CCDC150: variants seen among roughly 807,000 people sequenced by gnomAD.
The protein encoded by CCDC150 is coiled-coil domain containing 150.
Under a neutral mutation model 156.5 loss-of-function variants are expected in CCDC150, and 151 were observed. The observed-to-expected ratio is 0.97, with a 90% CI of 0.85 to 1.10. The LOEUF (loss-of-function observed/expected upper bound fraction) is 1.10. CCDC150 is among the 50% of genes least tolerant of loss of function. The probability of loss-of-function intolerance (pLI) is 0.00; values close to 1 mark genes in which losing one functional copy is unlikely to be tolerated. For missense variants in CCDC150, 1,312 were observed against 1,268.1 expected, an observed-to-expected ratio of 1.03 and a Z score of -0.53; for synonymous variants, 452 against 429.4, an observed-to-expected ratio of 1.05 and a Z score of -0.65.
rs1489641448 is a variant in CCDC150, at chr2:196,652,048, G to A, written c.177-4585G>A. Reference sequence around the variant, plus strand: ...GGGGAGGGCACCAAGCCGTTCATGAGGGATCTGCCCCTATGACCTAACAGC... The same window carrying A: ...GGGGAGGGCACCAAGCCGTTCATGAAGGATCTGCCCCTATGACCTAACAGC... On this transcript the variant is annotated intron_variant, in intron 2 of 27. Coordinates refer to ENST00000389175, the MANE Select transcript of CCDC150 (RefSeq NM_001080539.2). Among the ~76,000 whole-genome samples, 3 of 152,260 alleles carry A rather than the reference G, an allele frequency of 2.0e-5. No homozygotes were observed. The East Asian group carries it at 5.8e-4, about 30-fold the overall frequency.
At chr2:196,653,757 T>A (rs997580443) in intron 2 of CCDC150, among the ~76,000 whole-genome samples, 3 of 152,242 alleles carry the variant, frequency 2.0e-5, no homozygotes, top group Non-Finnish European at 1.5e-5. Flanking sequence ...TTCAATTACC[T>A]TTTTAGCAAT....
chr2:196,649,138 A>G (rs1052180931), intron 2 of CCDC150, among the ~76,000 whole-genome samples: 1 of 152,152 alleles, frequency 6.6e-6, no homozygotes, highest in Non-Finnish European at 1.5e-5. Context: ...GTGGTTCCAT[A>G]TGAATTTTCA....
chr2:196,657,009 T>C lies in CCDC150; in HGVS notation c.449T>C (p.Leu150Pro). The change falls in exon 4 of 28, where the codon CTG becomes CCG. Residue 150 changes from leucine (L) to proline (P), a missense_variant. Leu to Pro is a moderately conservative substitution (Grantham distance 98). Transcript: ENST00000389175. ...NAIQEEHSKD[L>P]KLLHLEVMNL... Reference sequence around the variant, plus strand: ...ATACAGGAAGAGCATTCTAAGGACCTGAAGCTGTTGCATCTCGAAGTTATG... The same window carrying C: ...ATACAGGAAGAGCATTCTAAGGACCCGAAGCTGTTGCATCTCGAAGTTATG... The C allele has an allele frequency of 6.2e-7, 1 of 1,613,696 alleles. No homozygotes were observed. Among genetic ancestry groups the C allele is most frequent in the South Asian group, 1.1e-5 (1 of 91,058 alleles).
intron 22 of CCDC150, among the ~76,000 whole-genome samples, chr2:196,728,406 C>T (rs546102982): frequency 6.6e-6 from 1 of 152,284 alleles, no homozygotes; most frequent in Admixed American, 6.5e-5. Context: ...TCACTCTTTG[C>T]TGTGTTAAAT....
At position 196,719,507 on chromosome 2, in the gene CCDC150, T is replaced by G; in HGVS notation, c.2006T>G (p.Phe669Cys). Residue 669 changes from phenylalanine to cysteine, a missense_variant, in exon 19 of 28, where the codon TTT (phenylalanine) becomes TGT (cysteine). Phe to Cys is a radical substitution (Grantham distance 205). Transcript: ENST00000389175. ...EDRENKKVGN[F>C]QRQLAEAKED... ...TTCATTTTCTGTTAGGTGGGAAACT[T>G]TCAGCGACAATTGGCAGAAGCTAAA... 1 of 1,610,266 alleles carries G rather than the reference T, an allele frequency of 6.2e-7. No homozygotes were observed. Among genetic ancestry groups the G allele is most frequent in the East Asian group, 2.2e-5 (1 of 44,788 alleles).
intron 6 of CCDC150, among the ~76,000 whole-genome samples, chr2:196,665,996 A>G (rs918761344): frequency 3.9e-5 from 6 of 152,152 alleles, no homozygotes; most frequent in Admixed American, 6.5e-5. Flanking sequence ...TTTCCCTTAT[A>G]CCATACAATC....
intron 2 of CCDC150, among the ~76,000 whole-genome samples, chr2:196,655,956 G>C (rs1462474021): frequency 1.3e-5 from 2 of 152,138 alleles, no homozygotes; most frequent in African/African-American, 4.8e-5. Flanking sequence ...TTAATTCCCT[G>C]ATGCAGGCTT....
rs187715493 is a variant in CCDC150 at position 196,674,255 on chromosome 2, A to G, written c.1044A>G (p.Gln348=). 21 of 1,596,326 alleles carry G rather than the reference A, an allele frequency of 1.3e-5. No individual in the cohort carries two copies. The highest frequency in any genetic ancestry group is 1.7e-4 in the Middle Eastern group (1 of 6,042). ...ASEKAQVLND[Q]LTKKCSELSC... ...TGTTTTCTTAGGTTTTGAATGACCA[A>G]TTGACTAAAAAGTGTTCAGAGTTGA... is the stretch of plus-strand genomic sequence containing the variant. The change falls in exon 10 of 28, where the codon CAA becomes CAG. Residue 348 remains glutamine (Q), a synonymous_variant. Coordinates refer to ENST00000389175, the MANE Select transcript of CCDC150 (RefSeq NM_001080539.2).
At chr2:196,643,123 C>T (rs1268844489) in intron 1 of CCDC150, among the ~76,000 whole-genome samples, 2 of 152,180 alleles carry the variant, frequency 1.3e-5, no homozygotes, top group African/African-American at 4.8e-5. Context: ...ATGACCTGAA[C>T]AGGATTCTCA....
Position 196,665,587 on chromosome 2 carries a change from G to A in CCDC150, c.666G>A (p.Gln222=). 1 of 1,602,452 alleles carries A rather than the reference G, an allele frequency of 6.2e-7. No homozygotes were observed. The highest frequency in any genetic ancestry group is 8.5e-7 in the Non-Finnish European group (1 of 1,174,504). ...KIQELRRQLA[Q]EKYLRESLEK... ...TGTAGCTAAGGAGACAACTGGCTCA[G>A]GAGAAGTACCTTAGGGAATCTTTAG... Residue 222 remains glutamine, a synonymous_variant, in exon 6 of 28, where the codon CAG becomes CAA. Transcript: ENST00000389175.
At chr2:196,671,556 T>G (rs569336313) in intron 8 of CCDC150, among the ~76,000 whole-genome samples, 1 of 150,238 alleles carries the variant, frequency 6.7e-6, no homozygotes, top group Admixed American at 6.7e-5. Context: ...GCCTCCCGAG[T>G]AGTTGGGATT....
intron 13 of CCDC150, among the ~76,000 whole-genome samples, chr2:196,690,750 G>A (rs1180871799): frequency 6.6e-6 from 1 of 152,120 alleles, no homozygotes; most frequent in Admixed American, 6.6e-5. Flanking sequence ...TGTTGCATAG[G>A]AGTAGTGAGA....
At chr2:196,661,748 T>C (rs1293049352) in intron 5 of CCDC150, among the ~76,000 whole-genome samples, 1 of 152,228 alleles carries the variant, frequency 6.6e-6, no homozygotes, top group Non-Finnish European at 1.5e-5. Flanking sequence ...CCCTTAATAG[T>C]ACTTCAGAAA....
Position 196,676,695 on chromosome 2 carries a change from G to C in CCDC150, c.1404G>C (p.Lys468Asn), listed in dbSNP as rs780466797. 1 of 1,613,762 alleles carries C rather than the reference G, an allele frequency of 6.2e-7. No individual in the cohort carries two copies. The highest frequency in any genetic ancestry group is 1.7e-5 in the Admixed American group (1 of 60,006). ...GELEASMQEK[K>N]SLLEEKERFQ... The stretch of plus-strand genomic sequence containing the variant: ...TGGAAGCATCAATGCAAGAGAAGAA[G>C]TCTCTGCTAGAGGAGAAAGAAAGAT... The change falls in exon 12 of 28, where the codon AAG (lysine) becomes AAC (asparagine). Residue 468 changes from lysine (K) to asparagine (N), a missense_variant. Coordinates refer to ENST00000389175, the MANE Select transcript of CCDC150 (RefSeq NM_001080539.2).
intron 19 of CCDC150, 163 bp downstream of exon 19, chr2:196,719,829 G>A (rs1697774604): frequency 2.0e-6 from 1 of 493,010 alleles, no homozygotes; most frequent in Non-Finnish European, 3.4e-6. Context: ...TTTAGAATTA[G>A]AAATAAATAT....
At position 196,703,924 on chromosome 2, in the gene CCDC150, T is replaced by C. The variant is rs150322592; in HGVS notation, c.1695+2744T>C. The stretch of plus-strand genomic sequence containing the variant: ...TTGATAGTCTTTGAAGAAACACTTT[T>C]TGAACTATTGTGAACTATTGATTCA... On this transcript the variant is annotated intron_variant, in intron 15 of 27. Coordinates refer to ENST00000389175, the MANE Select transcript of CCDC150 (RefSeq NM_001080539.2). Among the ~76,000 whole-genome samples the C allele has an allele frequency of 8.4e-4, 128 of 152,340 alleles. 1 individual carries two copies. In the East Asian group the frequency reaches 0.024, roughly 28 times the overall value.
intron 1 of CCDC150, among the ~76,000 whole-genome samples, chr2:196,644,963 A>AAC (rs1692446722): frequency 6.6e-6 from 1 of 150,702 alleles, no homozygotes. Context: ...AAAAATACAA[A>AAC]AAAAAAAAAA....
In CCDC150 at chr2:196,666,699, T is replaced by C. The variant is rs771004406; in HGVS notation, c.763-20T>C. ...AAATCTTTATCTCACAGAAAAAGAGTTTTTCTTATACAATTTCAGGTGCAC... is the reference window on the plus strand; with the variant it reads ...AAATCTTTATCTCACAGAAAAAGAGCTTTTCTTATACAATTTCAGGTGCAC... On this transcript the variant is annotated intron_variant, in intron 6 of 27. Coordinates refer to ENST00000389175, the MANE Select transcript of CCDC150 (RefSeq NM_001080539.2). The C allele has an allele frequency of 6.4e-6, 10 of 1,567,424 alleles. No homozygotes were observed. In the Admixed American group the frequency reaches 8.0e-5, roughly 13 times the overall value.
intron 13 of CCDC150, 57 bp from the exon 14 acceptor site, chr2:196,694,989 A>G (rs1447927725): frequency 5.7e-6 from 5 of 877,404 alleles, no homozygotes; most frequent in South Asian, 3.1e-5. Context: ...TAAAAATAAG[A>G]TAATACTTTT....
Sources: allele counts gnomAD v4.1 joint callset (sites outside exome capture counted in the v4.1 genomes callset), GRCh38; gene constraint gnomAD v4.1.1; transcripts MANE v1.5; gene names NCBI Gene and HGNC (gene_info 2026-07-23, HGNC 2026-07-21).